ALPL: variants seen among roughly 807,000 people sequenced by gnomAD.
ALPL encodes alkaline phosphatase, biomineralization associated, also known as alkaline phosphatase, tissue-nonspecific isozyme.
A neutral mutation model predicts 51.3 loss-of-function variants in ALPL; 42 were observed. The ratio of observed to expected loss-of-function variants is 0.82; its 90% CI spans 0.64 to 1.06. The LOEUF (loss-of-function observed/expected upper bound fraction) is 1.06. Ranked by LOEUF, ALPL falls within the 50% of genes least tolerant of loss-of-function variation. The probability of loss-of-function intolerance (pLI) is 0.00; values close to 1 mark genes in which losing one functional copy is unlikely to be tolerated. For synonymous variants in ALPL, 279 were observed against 296.4 expected (o/e 0.94, Z 0.60); for missense variants, 589 against 709.4 (o/e 0.83, Z 1.93).
intron 6 of ALPL, among the ~76,000 whole-genome samples, chr1:21,565,939 T>C (rs890472342): frequency 6.6e-6 from 1 of 152,166 alleles, no homozygotes; most frequent in African/African-American, 2.4e-5. Context: ...GTGAAGTCGC[T>C]GCCGGGCTGG....
In ALPL at chr1:21,561,088, C is replaced by A; in HGVS notation, c.182-9C>A. The A allele has an allele frequency of 1.9e-6, 3 of 1,600,362 alleles. No homozygotes were observed. Among genetic ancestry groups the A allele is most frequent in the East Asian group, 4.5e-5 (2 of 44,140 alleles). On this transcript the variant is annotated splice_polypyrimidine_tract_variant and intron_variant, in intron 3 of 11. Transcript: ENST00000374840. ...CACGAGAGACTGAGGCCCCCACTCC[C>A]CACTGCAGGGATGGGTGTCTCCACA... is the stretch of plus-strand genomic sequence containing the variant.
At chr1:21,532,997 C>T (rs960639677) in intron 1 of ALPL, among the ~76,000 whole-genome samples, 14 of 152,192 alleles carry the variant, frequency 9.2e-5, no homozygotes, top group African/African-American at 2.4e-4. Flanking sequence ...GAGTCCCTTT[C>T]AGTTTGTTGT....
intron 2 of ALPL, among the ~76,000 whole-genome samples, chr1:21,554,873 C>CTT (rs1478489284): frequency 5.7e-5 from 6 of 105,872 alleles, no homozygotes; most frequent in Admixed American, 2.2e-4. Flanking sequence ...TTCTTTCTTT[C>CTT]TCTCTTTCTT....
intron 1 of ALPL, among the ~76,000 whole-genome samples, chr1:21,513,640 G>A (rs936710284): frequency 6.6e-6 from 1 of 152,162 alleles, no homozygotes; most frequent in Non-Finnish European, 1.5e-5. Context: ...CTGTGTGCTG[G>A]GTTATGGGAG....
intron 8 of ALPL, among the ~76,000 whole-genome samples, chr1:21,571,114 G>A (rs1644641225): frequency 1.3e-5 from 2 of 152,194 alleles, no homozygotes; most frequent in South Asian, 2.1e-4. Context: ...ATGCACCCGT[G>A]TATCATGCTG....
intron 1 of ALPL, among the ~76,000 whole-genome samples, chr1:21,531,551 A>G (rs188472957): frequency 1.3e-5 from 2 of 152,332 alleles, no homozygotes; most frequent in Middle Eastern, 3.4e-3. Context: ...TGGGATAGAG[A>G]GCCAAAGGGG....
At chr1:21,561,874 C>T (rs991489724) in intron 4 of ALPL, among the ~76,000 whole-genome samples, 6 of 152,084 alleles carry the variant, frequency 3.9e-5, no homozygotes, top group African/African-American at 1.4e-4. Context: ...ACCCTGTTGG[C>T]CAGGCTGGTC....
chr1:21,538,802 A>G (rs1644144470), intron 1 of ALPL, among the ~76,000 whole-genome samples: 1 of 152,150 alleles, frequency 6.6e-6, no homozygotes, highest in Non-Finnish European at 1.5e-5. Flanking sequence ...TGCCACTGCA[A>G]GCCCCAAGTG....
intron 1 of ALPL, among the ~76,000 whole-genome samples, chr1:21,537,805 G>A (rs1644129687): frequency 6.6e-6 from 1 of 152,228 alleles, no homozygotes; most frequent in Non-Finnish European, 1.5e-5. Flanking sequence ...CCTGTTCTGA[G>A]CCTTGGTTTT....
intron 8 of ALPL, among the ~76,000 whole-genome samples, chr1:21,571,615 T>A (rs1319946794): frequency 6.6e-6 from 1 of 151,066 alleles, no homozygotes; most frequent in African/African-American, 2.4e-5. Flanking sequence ...GAGGTTACAG[T>A]GAGCCAAGAT....
chr1:21,533,747 C>T (rs183787484), intron 1 of ALPL, among the ~76,000 whole-genome samples: 20 of 151,924 alleles, frequency 1.3e-4, no homozygotes, highest in African/African-American at 4.3e-4. Context: ...ATGGTGAAAC[C>T]GCCCATCTCT....
chr1:21,543,073 A>C lies in ALPL; in HGVS notation c.-104-10905A>C, dbSNP rs188492241. Among the ~76,000 whole-genome samples the C allele has an allele frequency of 1.2e-3, 177 of 151,276 alleles. 1 individual carries two copies. Among genetic ancestry groups the C allele is most frequent in the South Asian group, 9.9e-3 (47 of 4,770 alleles). On this transcript the variant is annotated intron_variant, in intron 1 of 11. Coordinates refer to ENST00000374840, the MANE Select transcript of ALPL (RefSeq NM_000478.6). Reference sequence around the variant, plus strand: ...GGAGGCTGAGGCAGGAGGATCGCTTAAGGCTGCAGTGAACTATGATCGTGC... The same window carrying C: ...GGAGGCTGAGGCAGGAGGATCGCTTCAGGCTGCAGTGAACTATGATCGTGC...
intron 2 of ALPL, among the ~76,000 whole-genome samples, chr1:21,559,299 C>G (rs1490240150): frequency 6.6e-6 from 1 of 152,190 alleles, no homozygotes; most frequent in Non-Finnish European, 1.5e-5. Flanking sequence ...GGGAGGGACT[C>G]CAGCTCCCAT....
chr1:21,575,182 A>C (rs950921484), intron 9 of ALPL, among the ~76,000 whole-genome samples: 5 of 152,210 alleles, frequency 3.3e-5, no homozygotes, highest in Admixed American at 2.0e-4. Flanking sequence ...TTTGAGGTAG[A>C]GATGAAAAAC....
chr1:21,567,026 A>G (rs1285966039), intron 6 of ALPL, among the ~76,000 whole-genome samples: 1 of 152,072 alleles, frequency 6.6e-6, no homozygotes. Flanking sequence ...CATGGCCTGG[A>G]CCCAGGCTGG....
intron 6 of ALPL, among the ~76,000 whole-genome samples, chr1:21,567,162 G>A (rs1282088611): frequency 6.6e-6 from 1 of 152,190 alleles, no homozygotes; most frequent in Admixed American, 6.5e-5. Context: ...TGAGATGCAG[G>A]CCTGGAATGG....
chr1:21,549,773 T>C (rs569714034), intron 1 of ALPL, among the ~76,000 whole-genome samples: 1 of 152,218 alleles, frequency 6.6e-6, no homozygotes, highest in Admixed American at 6.5e-5. Flanking sequence ...CGGTAGTATA[T>C]GGCTCAGAAA....
intron 9 of ALPL, chr1:21,574,451 T>C (rs2148186313): frequency 1.3e-5 from 2 of 158,670 alleles, no homozygotes; most frequent in Middle Eastern, 6.6e-3. Context: ...GAGGAAGTGA[T>C]AAAGATTCCA....
At chr1:21,568,734 C>A (rs1644604472) in intron 7 of ALPL, among the ~76,000 whole-genome samples, 1 of 152,060 alleles carries the variant, frequency 6.6e-6, no homozygotes, top group Admixed American at 6.5e-5. Flanking sequence ...ACATGGTTGG[C>A]CCCAGTGTGC....
Sources: allele counts gnomAD v4.1 joint callset (sites outside exome capture counted in the v4.1 genomes callset), GRCh38; gene constraint gnomAD v4.1.1; transcripts MANE v1.5; gene names NCBI Gene and HGNC (gene_info 2026-07-23, HGNC 2026-07-21).